Variants in ARIH1 observed in about 807,000 individuals in gnomAD.
ARIH1 encodes ariadne RBR E3 ubiquitin protein ligase 1.
In ARIH1, 8 loss-of-function variants were observed where a neutral mutation model predicts 85.0. The observed-to-expected ratio is 0.09, with a 90% CI of 0.06 to 0.17. The LOEUF is 0.17. Among genes scored for constraint, ARIH1 ranks in the 10% least tolerant of loss-of-function variants. The probability of loss-of-function intolerance (pLI) is 1.00; values close to 1 mark genes in which losing one functional copy is unlikely to be tolerated. For missense variants in ARIH1, 311 were observed against 718.1 expected, an observed-to-expected ratio of 0.43 and a Z score of 6.48; for synonymous variants, 238 against 253.6, an observed-to-expected ratio of 0.94 and a Z score of 0.59.
chr15:72,525,782 G>T (rs2064024939), intron 2 of ARIH1, among the ~76,000 whole-genome samples: 1 of 151,664 alleles, frequency 6.6e-6, no homozygotes, highest in South Asian at 2.1e-4. Context: ...GGTGACCCCT[G>T]TGTTCCTCCA....
rs915837311 is a variant in ARIH1 at position 72,515,999 on chromosome 15, T to C, written c.376-2068T>C. Among the ~76,000 whole-genome samples, 4 of 152,210 alleles carry C rather than the reference T, an allele frequency of 2.6e-5. No homozygotes were observed. In the East Asian group the frequency reaches 7.7e-4, roughly 29 times the overall value. Reference sequence around the variant, plus strand: ...GAGCACATTTAGGGAGCCCTTGCCCTAACCATATTAAATAAAAACATGGTG... The same window carrying C: ...GAGCACATTTAGGGAGCCCTTGCCCCAACCATATTAAATAAAAACATGGTG... On this transcript the variant is annotated intron_variant, in intron 1 of 13. Coordinates refer to ENST00000379887, the MANE Select transcript of ARIH1 (RefSeq NM_005744.5).
chr15:72,577,586 T>C (rs2064277395), intron 11 of ARIH1, among the ~76,000 whole-genome samples: 1 of 151,966 alleles, frequency 6.6e-6, no homozygotes, highest in African/African-American at 2.4e-5. Context: ...GGCAGGAGAA[T>C]CACTTGAACC....
chr15:72,546,655 CTGTGTGTGTG>C (rs35847751), intron 3 of ARIH1, among the ~76,000 whole-genome samples: 2 of 149,430 alleles, frequency 1.3e-5, no homozygotes, highest in Non-Finnish European at 3.0e-5. Context: ...GCTGATTTTT[CTGTGTGTGTG>C]TGTGTGTGTT....
intron 2 of ARIH1, 123 bp downstream of exon 2, chr15:72,518,257 A>C (rs956878733): frequency 1.4e-6 from 1 of 691,600 alleles, no homozygotes; most frequent in African/African-American, 1.8e-5. Flanking sequence ...CCAGTGTGCA[A>C]CTAGTGACTG....
intron 1 of ARIH1, among the ~76,000 whole-genome samples, chr15:72,507,971 A>T (rs1484774422): frequency 6.6e-6 from 1 of 152,190 alleles, no homozygotes; most frequent in Non-Finnish European, 1.5e-5. Context: ...TGTTTAGAGC[A>T]GTAGTTCCCA....
At chr15:72,524,792 A>G (rs889569596) in intron 2 of ARIH1, among the ~76,000 whole-genome samples, 3 of 152,200 alleles carry the variant, frequency 2.0e-5, no homozygotes, top group Non-Finnish European at 4.4e-5. Context: ...CAGTTCCAAA[A>G]TTTGACAGAC....
At chr15:72,512,812 A>C (rs992078899) in intron 1 of ARIH1, among the ~76,000 whole-genome samples, 1 of 152,066 alleles carries the variant, frequency 6.6e-6, no homozygotes, top group Non-Finnish European at 1.5e-5. Flanking sequence ...TAGGCTGTCT[A>C]CATATTCAGT....
At chr15:72,563,354 C>T in intron 6 of ARIH1, 40 bp from the exon 7 acceptor site, 1 of 1,571,906 alleles carries the variant, frequency 6.4e-7, no homozygotes, top group Non-Finnish European at 8.8e-7. Flanking sequence ...CCACTGTGCC[C>T]AGCCAGCTGT....
rs1478905712 is a variant in ARIH1 at position 72,600,151 on chromosome 15, A to T, written c.*16859A>T. 1 of 152,188 alleles carries T rather than the reference A, an allele frequency of 6.6e-6. No homozygotes were observed. The highest frequency in any genetic ancestry group is 1.5e-5 in the Non-Finnish European group (1 of 68,038). 9.4% of individuals were successfully genotyped at this position (152,188 alleles called of 1,614,324 possible). A position where few individuals can be genotyped will look rare whatever the true frequency, so the allele number is the denominator to read the frequency against. ...CTCAACTGTAGCTCCTTGTTTATAC[A>T]TATATTGGGGGTGTTGAAAAGTTAC... is the stretch of plus-strand genomic sequence containing the variant. On this transcript the variant is annotated 3_prime_UTR_variant, in exon 14 of 14. Coordinates refer to ENST00000379887, the MANE Select transcript of ARIH1 (RefSeq NM_005744.5).
intron 1 of ARIH1, among the ~76,000 whole-genome samples, chr15:72,499,384 T>C (rs2063893763): frequency 6.6e-6 from 1 of 152,206 alleles, no homozygotes; most frequent in South Asian, 2.1e-4. Context: ...CTTACAATGA[T>C]TACATTTATA....
At chr15:72,534,651 T>G (rs990178104) in intron 2 of ARIH1, among the ~76,000 whole-genome samples, 1 of 152,002 alleles carries the variant, frequency 6.6e-6, no homozygotes, top group Non-Finnish European at 1.5e-5. Flanking sequence ...TAAATTTAAC[T>G]TAGATTGTGT....
At chr15:72,491,236 A>G (rs995228997) in intron 1 of ARIH1, among the ~76,000 whole-genome samples, 3 of 152,204 alleles carry the variant, frequency 2.0e-5, no homozygotes, top group Admixed American at 6.5e-5. Context: ...TAGCATAATA[A>G]TCACATTCCC....
chr15:72,484,780 C>CATATATATGTGT, intron 1 of ARIH1, among the ~76,000 whole-genome samples: 2 of 70,416 alleles, frequency 2.8e-5, no homozygotes, highest in Admixed American at 1.4e-4. Context: ...TATATATATA[C>CATATATATGTGT]ATATATATAC....
intron 5 of ARIH1, among the ~76,000 whole-genome samples, chr15:72,560,922 T>C (rs1460381279): frequency 6.6e-6 from 1 of 152,204 alleles, no homozygotes; most frequent in Non-Finnish European, 1.5e-5. Flanking sequence ...GAAATTCTTG[T>C]GAGTTATAGT....
intron 1 of ARIH1, among the ~76,000 whole-genome samples, chr15:72,478,304 A>AG (rs1193953989): frequency 1.3e-5 from 2 of 151,514 alleles, no homozygotes; most frequent in Admixed American, 1.3e-4. Flanking sequence ...TTTAGTAGAG[A>AG]GGGGGTTTCA....
intron 1 of ARIH1, among the ~76,000 whole-genome samples, chr15:72,504,147 T>C (rs1212362484): frequency 6.6e-6 from 1 of 152,174 alleles, no homozygotes; most frequent in Non-Finnish European, 1.5e-5. Context: ...CTCTGCCTCC[T>C]GGGTTCAAGC....
intron 10 of ARIH1, 36 bp from the exon 11 acceptor site, chr15:72,572,072 T>C (rs560408826): frequency 1.6e-5 from 23 of 1,454,622 alleles, no homozygotes; most frequent in Non-Finnish European, 2.1e-5. Flanking sequence ...CATTGATTTT[T>C]TTTTTCTTTA....
chr15:72,573,095 T>A (rs1382935379), intron 11 of ARIH1, among the ~76,000 whole-genome samples: 1 of 152,260 alleles, frequency 6.6e-6, no homozygotes, highest in Non-Finnish European at 1.5e-5. Context: ...CAAATGATTT[T>A]CCTAGCCAGG....
chr15:72,550,118 A>G (rs1020687158), intron 3 of ARIH1, among the ~76,000 whole-genome samples: 3 of 152,172 alleles, frequency 2.0e-5, no homozygotes, highest in Admixed American at 6.5e-5. Flanking sequence ...TTTTTGCTCT[A>G]TCTTTAGACA....
Sources: gnomAD v4.1 joint callset for allele counts (sites outside exome capture counted in the v4.1 genomes callset) on GRCh38, gnomAD v4.1.1 for gene constraint, MANE v1.5 for transcripts, NCBI Gene and HGNC (gene_info 2026-07-23, HGNC 2026-07-21) for gene names.